Variants in DHRS7 observed in about 807,000 individuals in gnomAD.
The protein encoded by DHRS7 is dehydrogenase/reductase 7, also known as dehydrogenase/reductase SDR family member 7.
A neutral mutation model predicts 38.9 loss-of-function variants in DHRS7; 34 were observed. That is an observed-to-expected ratio of 0.87 (90% CI 0.66 to 1.16). The LOEUF (loss-of-function observed/expected upper bound fraction) is 1.16, where lower values mean the gene tolerates loss of function less well. Among genes scored for constraint, DHRS7 ranks in the 50% most tolerant of loss-of-function variants. The pLI is 0.00. For synonymous variants in DHRS7, 158 were observed against 153.1 expected (o/e 1.03, Z -0.24); for missense variants, 421 against 407.0 (o/e 1.03, Z -0.30).
At chr14:60,165,972 A>G (rs764212916), upstream of DHRS7, among the ~76,000 whole-genome samples, 1 of 152,200 alleles carries the variant, frequency 6.6e-6, no homozygotes, top group Non-Finnish European at 1.5e-5. This position sits in a 1 kb window ranked among gnomAD's most constrained non-coding sequence, Gnocchi z 4.6. Context: ...ACCACACACA[A>G]ATTTACTCTG....
Position 60,145,768 on chromosome 14 carries a change from T to C in DHRS7, c.973-755A>G, listed in dbSNP as rs1430041219. On this transcript the variant is annotated intron_variant, in intron 6 of 6. Transcript: ENST00000557185. The surrounding 1 kb of genome is among the most constrained non-coding windows in gnomAD (Gnocchi z 4.0). ...CAACCTGATAATCCCCAAGATGTGATGTTTCTTTTCAGAAGATATGCATTT... is the reference window on the plus strand; with the variant it reads ...CAACCTGATAATCCCCAAGATGTGACGTTTCTTTTCAGAAGATATGCATTT... 1 of 152,198 alleles carries C rather than the reference T, an allele frequency of 6.6e-6. No individual in the cohort carries two copies. The highest frequency in any genetic ancestry group is 1.5e-5 in the Non-Finnish European group (1 of 68,032). 9.4% of individuals were successfully genotyped at this position (152,198 alleles called of 1,614,324 possible).
intron 1 of DHRS7, among the ~76,000 whole-genome samples, chr14:60,157,927 G>T (rs537556490): frequency 6.6e-6 from 1 of 151,976 alleles, no homozygotes; most frequent in East Asian, 1.9e-4. Flanking sequence ...TAAGAAAAAG[G>T]TTCCATGTAA....
upstream of DHRS7, among the ~76,000 whole-genome samples, chr14:60,165,985 G>A (rs1284018238): frequency 6.6e-6 from 1 of 152,224 alleles, no homozygotes; most frequent in Non-Finnish European, 1.5e-5. This position sits in a 1 kb window ranked among gnomAD's most constrained non-coding sequence, Gnocchi z 4.6. Context: ...TTACTCTGGT[G>A]TCTGTTTGGC....
In DHRS7 at chr14:60,153,716, T is replaced by C. The variant is rs1283158558; in HGVS notation, c.393+243A>G. Among the ~76,000 whole-genome samples, 4 of 151,952 alleles carry C rather than the reference T, an allele frequency of 2.6e-5. No homozygotes were observed. Among genetic ancestry groups the C allele is most frequent in the Non-Finnish European group, 5.9e-5 (4 of 67,988 alleles). ...GTCTCAAAATACATAAATAAATAAA[T>C]AAAAGCAGCCGTGAATTTTTAGCTT... On this transcript the variant is annotated intron_variant, in intron 3 of 6. Transcript: ENST00000557185. The surrounding 1 kb of genome is among the most constrained non-coding windows in gnomAD (Gnocchi z 4.4).
chr14:60,155,314 T>G (rs951178193), intron 2 of DHRS7, among the ~76,000 whole-genome samples: 2 of 152,052 alleles, frequency 1.3e-5, no homozygotes. Flanking sequence ...CTGGGTGTGG[T>G]GGTGCACGTC....
chr14:60,157,968 C>G (rs555548819), intron 1 of DHRS7, among the ~76,000 whole-genome samples: 1 of 152,138 alleles, frequency 6.6e-6, no homozygotes, highest in Non-Finnish European at 1.5e-5. Context: ...TACGGTGGCT[C>G]ACATCTGTAA....
chr14:60,149,126 C>G (rs1455920537), intron 6 of DHRS7: 1 of 513,744 alleles, frequency 1.9e-6, no homozygotes, highest in Non-Finnish European at 3.5e-6. Context: ...GCATGCACCA[C>G]CATGCCCAGC....
At chr14:60,158,935 T>C (rs1896709762) in intron 1 of DHRS7, 2 of 254,286 alleles carry the variant, frequency 7.9e-6, no homozygotes, top group East Asian at 2.3e-4. Context: ...TCCTGCCTTG[T>C]GGTTTGACAA....
At chr14:60,165,558 A>C, upstream of DHRS7, 1 of 1,268,362 alleles carries the variant, frequency 7.9e-7, no homozygotes, top group Non-Finnish European at 9.9e-7. This position sits in a 1 kb window ranked among gnomAD's most constrained non-coding sequence, Gnocchi z 4.6. Flanking sequence ...AGATTGCTTG[A>C]ATTCAAGTGT....
In DHRS7 at chr14:60,145,773, CTT is replaced by C. The variant is rs761746905; in HGVS notation, c.973-762_973-761del. The C allele has an allele frequency of 1.5e-4, 23 of 152,194 alleles. No individual in the cohort carries two copies. Among genetic ancestry groups the C allele is most frequent in the Non-Finnish European group, 3.1e-4 (21 of 67,996 alleles). 9.4% of individuals were successfully genotyped at this position (152,194 alleles called of 1,614,324 possible). A position where few individuals can be genotyped will look rare whatever the true frequency, so the allele number is the denominator to read the frequency against. ...TGATAATCCCCAAGATGTGATGTTT[CTT>C]TTCAGAAGATATGCATTTACCACTT... On this transcript the variant is annotated intron_variant, in intron 6 of 6. Coordinates refer to ENST00000557185, the MANE Select transcript of DHRS7 (RefSeq NM_016029.4). This position sits in a 1 kb window ranked among gnomAD's most constrained non-coding sequence, Gnocchi z 4.0.
Position 60,153,903 on chromosome 14 carries a change from A to G in DHRS7, c.393+56T>C. The stretch of plus-strand genomic sequence containing the variant: ...TTTGTATGACAGCACCACGGATGGG[A>G]ATCTCTTCTGCAGTTACTTCAAAGC... On this transcript the variant is annotated intron_variant, in intron 3 of 6. Coordinates refer to ENST00000557185, the MANE Select transcript of DHRS7 (RefSeq NM_016029.4). This position sits in a 1 kb window ranked among gnomAD's most constrained non-coding sequence, Gnocchi z 4.4. 1.1e-5 allele frequency: 16 copies of G among 1,392,452 alleles called. No homozygotes were observed. Among genetic ancestry groups the G allele is most frequent in the Middle Eastern group, 1.8e-4 (1 of 5,608 alleles). 86.3% of individuals were successfully genotyped at this position (1,392,452 alleles called of 1,614,324 possible).
In DHRS7 at chr14:60,144,957, G is replaced by A. The variant is rs381839; in HGVS notation, c.*9C>T. On this transcript the variant is annotated 3_prime_UTR_variant, in exon 7 of 7. Transcript: ENST00000557185. Reference sequence around the variant, plus strand: ...CCCTCCAGTGGCTTGAAAAGTACAGGTGCTCTTTTCAGTCATGTTTTGTCT... The same window carrying A: ...CCCTCCAGTGGCTTGAAAAGTACAGATGCTCTTTTCAGTCATGTTTTGTCT... 0.19 allele frequency: 297,648 copies of A among 1,593,304 alleles called. 36,693 individuals carry two copies. Among genetic ancestry groups the A allele is most frequent in the African/African-American group, 0.52 (38,219 of 73,570 alleles).
intron 6 of DHRS7, chr14:60,149,071 C>A: frequency 2.5e-6 from 1 of 396,822 alleles, no homozygotes; most frequent in Non-Finnish European, 4.6e-6. Context: ...CTCCTCGGTT[C>A]AAGCAATTCT....
intron 5 of DHRS7, 37 bp from the exon 6 acceptor site, chr14:60,149,605 CGATTTCACATAACT>C: frequency 6.6e-7 from 1 of 1,509,726 alleles, no homozygotes; most frequent in South Asian, 1.3e-5. Flanking sequence ...TTTATCCAAG[CGATTTCACATAACT>C]TTAAGCTAGA....
chr14:60,168,350 T>C (rs1896892319), upstream of DHRS7, among the ~76,000 whole-genome samples: 1 of 152,196 alleles, frequency 6.6e-6, no homozygotes, highest in Non-Finnish European at 1.5e-5. Context: ...TGTCCATGAT[T>C]TAGTAGTGGT....
rs190162825 is a variant in DHRS7, at chr14:60,154,734, C to T, written c.287-669G>A. ...AGACTTCATGGGCAAAAGAGTTAAG[C>T]GTGAAACATCAACTGTATTAAATGA... On this transcript the variant is annotated intron_variant, in intron 2 of 6. Transcript: ENST00000557185. Among the ~76,000 whole-genome samples, 86 of 152,212 alleles carry T rather than the reference C, an allele frequency of 5.7e-4. 3 individuals are homozygous for T. In the Middle Eastern group the frequency reaches 0.02, roughly 36 times the overall value.
At chr14:60,155,500 C>A (rs1048264346) in intron 2 of DHRS7, among the ~76,000 whole-genome samples, 2 of 152,070 alleles carry the variant, frequency 1.3e-5, no homozygotes, top group Non-Finnish European at 2.9e-5. Flanking sequence ...AAAATATTAA[C>A]ACTGTTGCCC....
upstream of DHRS7, among the ~76,000 whole-genome samples, chr14:60,167,663 G>C (rs1457924383): frequency 6.6e-6 from 1 of 152,168 alleles, no homozygotes; most frequent in Non-Finnish European, 1.5e-5. Flanking sequence ...GCAGTCCCTA[G>C]GCGGGGGAAA....
chr14:60,165,669 ATAT>A, upstream of DHRS7: 3 of 1,051,006 alleles, frequency 2.9e-6, no homozygotes, highest in Non-Finnish European at 3.4e-6. The surrounding 1 kb of genome is among the most constrained non-coding windows in gnomAD (Gnocchi z 4.6). Flanking sequence ...CATAAGCTAC[ATAT>A]TATACTACGT....
Sources: allele counts gnomAD v4.1 joint callset (sites outside exome capture counted in the v4.1 genomes callset), GRCh38; gene constraint gnomAD v4.1.1; non-coding constraint Gnocchi (gnomAD v3.1); transcripts MANE v1.5; gene names NCBI Gene and HGNC (gene_info 2026-07-23, HGNC 2026-07-21).